Variants in SLC24A4 observed in about 807,000 individuals in gnomAD.
The protein encoded by SLC24A4 is solute carrier family 24 member 4.
In SLC24A4, 53 loss-of-function variants were observed where a neutral mutation model predicts 79.0. The observed-to-expected ratio is 0.67, with a 90% CI of 0.54 to 0.84. The LOEUF (loss-of-function observed/expected upper bound fraction) is 0.84. Ranked by LOEUF, SLC24A4 falls within the 40% of genes least tolerant of loss-of-function variation. SLC24A4 has a pLI of 0.00. For missense variants in SLC24A4, 731 were observed against 822.0 expected, an observed-to-expected ratio of 0.89 and a Z score of 1.35; for synonymous variants, 323 against 323.8, an observed-to-expected ratio of 1.00 and a Z score of 0.03.
intron 11 of SLC24A4, among the ~76,000 whole-genome samples, chr14:92,455,359 G>A (rs1458128452): frequency 6.6e-6 from 1 of 152,166 alleles, no homozygotes; most frequent in Non-Finnish European, 1.5e-5. Context: ...GAAACTATCT[G>A]AATGCCCATC....
At position 92,331,182 on chromosome 14, in the gene SLC24A4, C is replaced by T. The variant is rs565152592; in HGVS notation, c.241+5204C>T. 2.0e-5 allele frequency among the ~76,000 whole-genome samples: 3 copies of T among 152,352 alleles called. No individual in the cohort carries two copies. The East Asian group carries it at 5.8e-4, about 29-fold the overall frequency. Reference sequence around the variant, plus strand: ...CTCCTGCTTGTCATCGCCACCTTCACAGGCTTTCCCTGGTAACCCAGTTCA... The same window carrying T: ...CTCCTGCTTGTCATCGCCACCTTCATAGGCTTTCCCTGGTAACCCAGTTCA... On this transcript the variant is annotated intron_variant, in intron 2 of 16. Transcript: ENST00000532405.
At chr14:92,492,970 A>ACGCG (rs1384888094) in intron 16 of SLC24A4, 4 of 121,132 alleles carry the variant, frequency 3.3e-5, no homozygotes, top group Non-Finnish European at 6.3e-5. Context: ...ACACACACAC[A>ACGCG]CACACACACA....
chr14:92,471,906 A>G (rs1318371783), intron 12 of SLC24A4, among the ~76,000 whole-genome samples: 2 of 152,212 alleles, frequency 1.3e-5, no homozygotes, highest in Non-Finnish European at 2.9e-5. Flanking sequence ...ACCAATTCAC[A>G]TTAGCAAAAA....
At chr14:92,330,877 C>A (rs534934225) in intron 2 of SLC24A4, among the ~76,000 whole-genome samples, 1 of 152,316 alleles carries the variant, frequency 6.6e-6, no homozygotes, top group South Asian at 2.1e-4. Context: ...TGAGTTCAGG[C>A]TTCAAACTGT....
At chr14:92,433,800 G>T in intron 2 of SLC24A4, 112 bp from the exon 3 acceptor site, 2 of 883,400 alleles carry the variant, frequency 2.3e-6, no homozygotes, top group Non-Finnish European at 1.9e-6. Context: ...TCTCTGATCA[G>T]TCCAAAGCGA....
At chr14:92,447,250 C>T (rs1892847228) in intron 8 of SLC24A4, 121 bp from the exon 9 acceptor site, 11 of 824,172 alleles carry the variant, frequency 1.3e-5, no homozygotes, top group Admixed American at 6.3e-5. Flanking sequence ...GTTCTGGGCC[C>T]GGCACTAGGG....
intron 2 of SLC24A4, among the ~76,000 whole-genome samples, chr14:92,414,592 T>G (rs1890883739): frequency 6.6e-6 from 1 of 151,778 alleles, no homozygotes; most frequent in South Asian, 2.1e-4. Context: ...CAAACAAAAT[T>G]AGCTGGGCAT....
intron 2 of SLC24A4, among the ~76,000 whole-genome samples, chr14:92,409,454 A>C (rs150731724): frequency 6.6e-6 from 1 of 152,360 alleles, no homozygotes; most frequent in African/African-American, 2.4e-5. Context: ...GCAGCTGCTG[A>C]TGATGTTCTG....
chr14:92,328,726 G>T (rs1157815354), intron 2 of SLC24A4, among the ~76,000 whole-genome samples: 1 of 152,370 alleles, frequency 6.6e-6, no homozygotes, highest in Non-Finnish European at 1.5e-5. Flanking sequence ...AGGAAGTTCT[G>T]TTGGGCTGGG....
chr14:92,481,899 G>A (rs1895088331), intron 12 of SLC24A4, among the ~76,000 whole-genome samples: 1 of 152,190 alleles, frequency 6.6e-6, no homozygotes, highest in Non-Finnish European at 1.5e-5. Flanking sequence ...ATCTTCAGTG[G>A]CTTATTAAGG....
chr14:92,368,388 T>C (rs1244073537), intron 2 of SLC24A4, among the ~76,000 whole-genome samples: 1 of 152,142 alleles, frequency 6.6e-6, no homozygotes, highest in East Asian at 1.9e-4. Context: ...ATTTAGGAGA[T>C]TTGGATAATT....
At chr14:92,340,159 G>T (rs1886043441) in intron 2 of SLC24A4, among the ~76,000 whole-genome samples, 1 of 152,216 alleles carries the variant, frequency 6.6e-6, no homozygotes, top group Admixed American at 6.5e-5. Flanking sequence ...ACAGTGGCTG[G>T]CTTATATTGT....
At chr14:92,347,506 A>G (rs1886606269) in intron 2 of SLC24A4, among the ~76,000 whole-genome samples, 1 of 149,326 alleles carries the variant, frequency 6.7e-6, no homozygotes, top group Admixed American at 6.6e-5. Flanking sequence ...TTTTATGCTC[A>G]ATTGCTTTAG....
intron 2 of SLC24A4, among the ~76,000 whole-genome samples, chr14:92,402,234 C>A (rs978134635): frequency 1.3e-5 from 2 of 152,142 alleles, no homozygotes; most frequent in Non-Finnish European, 2.9e-5. Context: ...GTGAGGCAGG[C>A]AGGATTATTG....
At chr14:92,438,931 C>G (rs1217343265) in intron 3 of SLC24A4, among the ~76,000 whole-genome samples, 1 of 152,204 alleles carries the variant, frequency 6.6e-6, no homozygotes, top group Non-Finnish European at 1.5e-5. Context: ...CTGCCCCCAT[C>G]CTGAAGCTAC....
At chr14:92,439,674 C>T (rs1442376320) in intron 4 of SLC24A4, among the ~76,000 whole-genome samples, 1 of 152,274 alleles carries the variant, frequency 6.6e-6, no homozygotes, top group East Asian at 1.9e-4. Context: ...CCACAGCAGG[C>T]TGTTGGCACT....
At chr14:92,454,681 G>A (rs1046906559) in intron 11 of SLC24A4, among the ~76,000 whole-genome samples, 1 of 152,184 alleles carries the variant, frequency 6.6e-6, no homozygotes, top group South Asian at 2.1e-4. Flanking sequence ...AACTGTGATC[G>A]CTGATAATTA....
At chr14:92,428,694 G>A (rs7152962) in intron 2 of SLC24A4, among the ~76,000 whole-genome samples, 31,135 of 152,138 alleles carry the variant, frequency 0.2, 4,042 homozygotes, top group East Asian at 0.54. Context: ...AGATTAAAAA[G>A]TCAAAGCCAG....
intron 12 of SLC24A4, among the ~76,000 whole-genome samples, chr14:92,464,147 C>T (rs573509166): frequency 1.3e-5 from 2 of 152,210 alleles, no homozygotes; most frequent in Middle Eastern, 3.4e-3. Flanking sequence ...TATTTTTTAT[C>T]GAAATGAAAG....
Sources: gnomAD v4.1 joint callset for allele counts (sites outside exome capture counted in the v4.1 genomes callset) on GRCh38, gnomAD v4.1.1 for gene constraint, MANE v1.5 for transcripts, NCBI Gene and HGNC (gene_info 2026-07-23, HGNC 2026-07-21) for gene names.